THSD4: variants seen among roughly 807,000 people sequenced by gnomAD.
The protein encoded by THSD4 is thrombospondin type 1 domain containing 4.
THSD4 carries 69 observed loss-of-function variants against 119.0 expected under a neutral mutation model. That is an observed-to-expected ratio of 0.58 (90% CI 0.48 to 0.71). The LOEUF is 0.71. Ranked by LOEUF, THSD4 falls within the 30% of genes least tolerant of loss-of-function variation. The pLI, the probability that THSD4 is intolerant of heterozygous loss-of-function variation, is 0.00. For synonymous variants in THSD4, 524 were observed against 540.4 expected, an observed-to-expected ratio of 0.97 and a Z score of 0.42; for missense variants, 1,393 against 1,391.1, an observed-to-expected ratio of 1.00 and a Z score of -0.02.
chr15:71,134,387 C>T (rs771127134), intron 1 of THSD4, among the ~76,000 whole-genome samples: 8 of 152,234 alleles, frequency 5.3e-5, no homozygotes, highest in Admixed American at 2.0e-4. Context: ...ACAGAGGCAG[C>T]GTGCATCTGC....
intron 6 of THSD4, among the ~76,000 whole-genome samples, chr15:71,377,910 AC>A (rs1566961540): frequency 6.8e-5 from 7 of 103,680 alleles, no homozygotes; most frequent in African/African-American, 2.5e-4. Flanking sequence ...ACACACACAC[AC>A]ACAATTTCCT....
intron 3 of THSD4, among the ~76,000 whole-genome samples, chr15:71,174,805 T>G (rs1397174964): frequency 1.3e-5 from 2 of 152,088 alleles, no homozygotes; most frequent in African/African-American, 4.8e-5. Context: ...ACGTGCAGAC[T>G]GCCTCCTCAA....
In THSD4 at chr15:71,383,702, A is replaced by G. The variant is rs139573712; in HGVS notation, c.1016-27985A>G. ...GCCCTCTGTATCTGCTTCTGCATCC[A>G]TGGATTCCACCAACCATGGATCGAA... On this transcript the variant is annotated intron_variant, in intron 6 of 17. Transcript: ENST00000261862. Among the ~76,000 whole-genome samples, 309 of 152,338 alleles carry G rather than the reference A, an allele frequency of 2.0e-3. 1 individual carries two copies. The highest frequency in any genetic ancestry group is 3.4e-3 in the Middle Eastern group (1 of 294).
intron 6 of THSD4, among the ~76,000 whole-genome samples, chr15:71,309,438 G>A (rs79191387): frequency 0.038 from 5,780 of 152,272 alleles, 216 homozygotes; most frequent in African/African-American, 0.1. Context: ...TTGTCTTCCA[G>A]TGTGGGGTTG....
intron 6 of THSD4, among the ~76,000 whole-genome samples, chr15:71,278,050 C>T (rs1021160807): frequency 1.3e-5 from 2 of 152,214 alleles, no homozygotes; most frequent in African/African-American, 2.4e-5. Context: ...GCCAGCACTC[C>T]GCCTTGTGAG....
chr15:71,140,080 T>A (rs942813893), intron 1 of THSD4, among the ~76,000 whole-genome samples: 12 of 152,254 alleles, frequency 7.9e-5, no homozygotes, highest in African/African-American at 2.9e-4. Flanking sequence ...GGCGAGAGAT[T>A]TTACCTCCAT....
At chr15:71,356,196 T>A (rs1209650626) in intron 6 of THSD4, among the ~76,000 whole-genome samples, 7 of 152,152 alleles carry the variant, frequency 4.6e-5, no homozygotes, top group African/African-American at 1.7e-4. Context: ...ATTAGTCTAG[T>A]GAGTTTCTTC....
chr15:71,560,638 T>A (rs1253749289), intron 7 of THSD4, among the ~76,000 whole-genome samples: 1 of 152,246 alleles, frequency 6.6e-6, no homozygotes, highest in African/African-American at 2.4e-5. Context: ...CCATTTGTGT[T>A]ATAAATATAG....
chr15:71,666,953 C>T (rs1595845425), intron 8 of THSD4, among the ~76,000 whole-genome samples: 1 of 152,330 alleles, frequency 6.6e-6, no homozygotes, highest in African/African-American at 2.4e-5. Flanking sequence ...GGCCAACTCA[C>T]CACAATGCTT....
intron 3 of THSD4, among the ~76,000 whole-genome samples, chr15:71,198,841 A>G (rs1395854693): frequency 6.6e-6 from 1 of 152,144 alleles, no homozygotes; most frequent in East Asian, 1.9e-4. Context: ...TAACCCAATT[A>G]TTGCAAGGGC....
intron 8 of THSD4, among the ~76,000 whole-genome samples, chr15:71,688,635 G>A (rs1212796972): frequency 1.3e-5 from 2 of 151,318 alleles, no homozygotes; most frequent in Admixed American, 6.6e-5. Flanking sequence ...TAGGTTCCCT[G>A]TTTAATCATC....
intron 2 of THSD4, among the ~76,000 whole-genome samples, chr15:71,153,897 G>C (rs1243512173): frequency 6.6e-6 from 1 of 152,134 alleles, no homozygotes; most frequent in Non-Finnish European, 1.5e-5. Flanking sequence ...TAAATTAATT[G>C]ACAATACTTG....
At chr15:71,174,290 C>T (rs541502564) in intron 3 of THSD4, among the ~76,000 whole-genome samples, 4 of 152,032 alleles carry the variant, frequency 2.6e-5, no homozygotes, top group African/African-American at 7.2e-5. Flanking sequence ...AGTGTGTGCG[C>T]GCGCCGAAGC....
At chr15:71,446,727 C>G (rs958101933) in intron 7 of THSD4, among the ~76,000 whole-genome samples, 1 of 152,112 alleles carries the variant, frequency 6.6e-6, no homozygotes, top group African/African-American at 2.4e-5. Context: ...TTCATTTTTT[C>G]TCTCTGCCAA....
intron 4 of THSD4, among the ~76,000 whole-genome samples, chr15:71,225,715 GT>G (rs2044012811): frequency 6.6e-6 from 1 of 151,664 alleles, no homozygotes; most frequent in Non-Finnish European, 1.5e-5. Context: ...GCAAATGTTT[GT>G]TTTTAGTAGA....
intron 3 of THSD4, among the ~76,000 whole-genome samples, chr15:71,188,530 C>T (rs608101): frequency 0.018 from 2,676 of 152,154 alleles, 89 homozygotes; most frequent in African/African-American, 0.061. Flanking sequence ...CTGGTCCTGG[C>T]GTAGGACTGG....
At chr15:71,651,320 T>G (rs1476504982) in intron 7 of THSD4, among the ~76,000 whole-genome samples, 1 of 152,232 alleles carries the variant, frequency 6.6e-6, no homozygotes, top group Admixed American at 6.5e-5. Context: ...CCCATCTTAA[T>G]GCAGTTGTCT....
At chr15:71,523,036 G>T (rs1053999333) in intron 7 of THSD4, among the ~76,000 whole-genome samples, 2 of 152,162 alleles carry the variant, frequency 1.3e-5, no homozygotes, top group Non-Finnish European at 1.5e-5. Flanking sequence ...GGGAACAGAG[G>T]AGTCAACACT....
chr15:71,583,037 C>G (rs2049590413), intron 7 of THSD4, among the ~76,000 whole-genome samples: 1 of 152,114 alleles, frequency 6.6e-6, no homozygotes, highest in African/African-American at 2.4e-5. Context: ...GTAGAATTCA[C>G]TGGTGAAGCC....
Sources: gnomAD v4.1 joint callset for allele counts (sites outside exome capture counted in the v4.1 genomes callset) on GRCh38, gnomAD v4.1.1 for gene constraint, MANE v1.5 for transcripts, NCBI Gene and HGNC (gene_info 2026-07-23, HGNC 2026-07-21) for gene names.